The following KIAA0825 variants were observed in gnomAD, a reference collection of about 807,000 sequenced individuals.
KIAA0825 encodes the protein KIAA0825, also known as uncharacterized protein KIAA0825.
In KIAA0825, 119 loss-of-function variants were observed where a neutral mutation model predicts 147.6. The ratio of observed to expected loss-of-function variants is 0.81; its 90% CI spans 0.69 to 0.94. KIAA0825 has a LOEUF of 0.94. Ranked by LOEUF, KIAA0825 falls within the 40% of genes least tolerant of loss-of-function variation. KIAA0825 has a pLI of 0.00. For missense variants in KIAA0825, 1,381 were observed against 1,472.7 expected (o/e 0.94, Z 1.02); for synonymous variants, 470 against 518.1 (o/e 0.91, Z 1.26).
chr5:94,303,411 AAG>A (rs1491070731), intron 20 of KIAA0825, among the ~76,000 whole-genome samples: 4 of 143,796 alleles, frequency 2.8e-5, no homozygotes, highest in Non-Finnish European at 6.3e-5. Context: ...GGCAATGAAA[AAG>A]AAACAAACCA....
chr5:94,279,468 G>C (rs1403602152), intron 20 of KIAA0825, among the ~76,000 whole-genome samples: 1 of 151,966 alleles, frequency 6.6e-6, no homozygotes, highest in Non-Finnish European at 1.5e-5. Flanking sequence ...ATATTATAAT[G>C]GTACAGAATT....
At chr5:94,424,885 C>T (rs984746926) in intron 14 of KIAA0825, among the ~76,000 whole-genome samples, 2 of 151,998 alleles carry the variant, frequency 1.3e-5, no homozygotes, top group African/African-American at 4.8e-5. Context: ...AATTGGAAGA[C>T]CTGGAAGAAA....
intron 2 of KIAA0825, among the ~76,000 whole-genome samples, chr5:94,540,800 T>C (rs1176348787): frequency 6.6e-6 from 1 of 152,222 alleles, no homozygotes; most frequent in Admixed American, 6.5e-5. Flanking sequence ...CTAAATACTT[T>C]AAGGTCATAA....
At chr5:94,357,868 C>T (rs1271487935) in intron 20 of KIAA0825, among the ~76,000 whole-genome samples, 1 of 150,526 alleles carries the variant, frequency 6.6e-6, no homozygotes, top group Non-Finnish European at 1.5e-5. Context: ...ATTCAAGTAA[C>T]ATGAATGTAG....
intron 17 of KIAA0825, among the ~76,000 whole-genome samples, chr5:94,392,030 A>G (rs957085694): frequency 2.0e-5 from 3 of 152,244 alleles, no homozygotes; most frequent in African/African-American, 7.2e-5. Context: ...TTTTATGAAC[A>G]TGTAAGAAAT....
At chr5:94,245,568 C>G (rs531747024) in intron 20 of KIAA0825, among the ~76,000 whole-genome samples, 4 of 152,024 alleles carry the variant, frequency 2.6e-5, no homozygotes, top group Admixed American at 6.6e-5. Context: ...CTGAATTGAC[C>G]AAGTTCTAGG....
chr5:94,594,152 T>G, intron 1 of KIAA0825: 1 of 557,704 alleles, frequency 1.8e-6, no homozygotes, highest in South Asian at 1.4e-5. Flanking sequence ...CTGCTAAAGG[T>G]AATTTTAATA....
chr5:94,338,375 T>A (rs183586940), intron 20 of KIAA0825, among the ~76,000 whole-genome samples: 1 of 152,262 alleles, frequency 6.6e-6, no homozygotes, highest in African/African-American at 2.4e-5. Flanking sequence ...TTGACTCTGC[T>A]TAGGTTATAG....
At chr5:94,239,072 T>C (rs559733567) in intron 20 of KIAA0825, among the ~76,000 whole-genome samples, 23 of 152,324 alleles carry the variant, frequency 1.5e-4, no homozygotes, top group African/African-American at 5.5e-4. Flanking sequence ...TCTTTAGTTT[T>C]TCTGTTAAAA....
intron 20 of KIAA0825, among the ~76,000 whole-genome samples, chr5:94,334,685 T>C (rs574853823): frequency 7.4e-4 from 113 of 152,316 alleles, no homozygotes; most frequent in African/African-American, 2.6e-3. Flanking sequence ...GGTTTCACCA[T>C]GTTGGCCCGG....
At chr5:94,565,601 C>A (rs1403219621) in intron 2 of KIAA0825, among the ~76,000 whole-genome samples, 1 of 152,082 alleles carries the variant, frequency 6.6e-6, no homozygotes, top group Admixed American at 6.5e-5. Flanking sequence ...GTCAGCCTCC[C>A]AAACTGCTGG....
chr5:94,441,631 C>G (rs1047012906), intron 13 of KIAA0825, among the ~76,000 whole-genome samples: 1 of 152,134 alleles, frequency 6.6e-6, no homozygotes, highest in African/African-American at 2.4e-5. Context: ...TGACCTCTTT[C>G]TGCATGAGGA....
chr5:94,510,764 T>C (rs1271203504), intron 5 of KIAA0825, among the ~76,000 whole-genome samples: 1 of 152,284 alleles, frequency 6.6e-6, no homozygotes, highest in Non-Finnish European at 1.5e-5. Context: ...GATTATTTTC[T>C]CATTTTCAAG....
rs79896474 is a variant in KIAA0825 at position 94,474,436 on chromosome 5, A to G, written c.1228-917T>C. The stretch of plus-strand genomic sequence containing the variant: ...CCAACTTCAGAAAACCCTGAGCTCC[A>G]TGTCCCTGACTGAATCACTTATTTT... On this transcript the variant is annotated intron_variant, in intron 7 of 20. Transcript: ENST00000682413. 4.7e-3 allele frequency among the ~76,000 whole-genome samples: 723 copies of G among 152,248 alleles called. 7 individuals are homozygous for G. Among genetic ancestry groups the G allele is most frequent in the African/African-American group, 0.016 (655 of 41,552 alleles).
chr5:94,322,234 T>C (rs1041638694), intron 20 of KIAA0825, among the ~76,000 whole-genome samples: 16 of 151,968 alleles, frequency 1.1e-4, no homozygotes, highest in Non-Finnish European at 2.1e-4. Flanking sequence ...ACATTAGGCA[T>C]TGATTTCTTA....
chr5:94,157,977 T>C (rs188436345), intron 20 of KIAA0825, among the ~76,000 whole-genome samples: 43 of 152,068 alleles, frequency 2.8e-4, no homozygotes, highest in Non-Finnish European at 5.9e-5. Context: ...GAGTCTGGAG[T>C]GTGAGGTGTT....
At chr5:94,373,447 GA>G (rs1430411738) in intron 20 of KIAA0825, among the ~76,000 whole-genome samples, 6 of 152,162 alleles carry the variant, frequency 3.9e-5, no homozygotes, top group Non-Finnish European at 4.4e-5. Context: ...ATAAAGGAAA[GA>G]GGTTTAATTG....
intron 20 of KIAA0825, among the ~76,000 whole-genome samples, chr5:94,168,941 CA>C (rs1386640893): frequency 1.3e-5 from 2 of 152,174 alleles, no homozygotes; most frequent in Non-Finnish European, 2.9e-5. Context: ...CTGTGTCAAG[CA>C]ATACTGCTCT....
chr5:94,300,785 A>C (rs899447668), intron 20 of KIAA0825, among the ~76,000 whole-genome samples: 2 of 152,190 alleles, frequency 1.3e-5, no homozygotes, highest in Admixed American at 1.3e-4. Context: ...TTAAATAAAG[A>C]AGCAACTTTT....
Sources: gnomAD v4.1 joint callset for allele counts (sites outside exome capture counted in the v4.1 genomes callset) on GRCh38, gnomAD v4.1.1 for gene constraint, MANE v1.5 for transcripts, NCBI Gene and HGNC (gene_info 2026-07-23, HGNC 2026-07-21) for gene names.